PHLDB2: variants seen among roughly 807,000 people sequenced by gnomAD.
PHLDB2 encodes the protein pleckstrin homology-like domain family B member 2.
A neutral mutation model predicts 123.6 loss-of-function variants in PHLDB2; 71 were observed. The ratio of observed to expected loss-of-function variants is 0.57; its 90% CI spans 0.47 to 0.70. The LOEUF is 0.70. Among genes scored for constraint, PHLDB2 ranks in the 30% least tolerant of loss-of-function variants. PHLDB2 has a pLI of 0.00. For missense variants in PHLDB2, 1,446 were observed against 1,519.5 expected, an observed-to-expected ratio of 0.95 and a Z score of 0.80; for synonymous variants, 547 against 541.6, an observed-to-expected ratio of 1.01 and a Z score of -0.14.
Position 111,973,744 on chromosome 3 carries a change from C to G in PHLDB2, c.3548C>G (p.Thr1183Ser), listed in dbSNP as rs1483975723. 1 of 1,596,438 alleles carries G rather than the reference C, an allele frequency of 6.3e-7. No individual in the cohort carries two copies. The highest frequency in any genetic ancestry group is 1.7e-5 in the Admixed American group (1 of 59,528). Residue 1183 changes from threonine (T) to serine (S), a missense_variant, in exon 17 of 18, where the codon ACT (threonine) becomes AGT (serine). Around this residue, in one of 3 missense-constraint regions of PHLDB2, gnomAD observed 594 missense variants for 646.0 expected, o/e 0.92. Coordinates refer to ENST00000431670, the MANE Select transcript of PHLDB2 (RefSeq NM_001134438.2). ...TCTGTCTTTGCAGACAAGCATGAAA[C>G]TAAATTGAAAGGAGTAATATACTTT... ...TFSYYADKHETKLKGVIYFQA... is the reference protein window; with the variant it reads ...TFSYYADKHESKLKGVIYFQA...
At chr3:111,797,492 CT>C (rs2061209916) in intron 1 of PHLDB2, among the ~76,000 whole-genome samples, 1 of 152,196 alleles carries the variant, frequency 6.6e-6, no homozygotes. Flanking sequence ...TGTTGACTGC[CT>C]TACTTGAAAG....
chr3:111,758,666 G>T (rs1349599003), intron 1 of PHLDB2, among the ~76,000 whole-genome samples: 1 of 152,186 alleles, frequency 6.6e-6, no homozygotes, highest in Non-Finnish European at 1.5e-5. Context: ...TACCTCAGAT[G>T]GAAATGCAGA....
chr3:111,742,260 A>G (rs2059615851), intron 1 of PHLDB2, among the ~76,000 whole-genome samples: 1 of 152,178 alleles, frequency 6.6e-6, no homozygotes, highest in Non-Finnish European at 1.5e-5. Context: ...CCCCCAGGCC[A>G]AAGTCATAAT....
At chr3:111,911,679 G>A (rs906086359) in intron 2 of PHLDB2, 21 of 1,536,334 alleles carry the variant, frequency 1.4e-5, no homozygotes, top group East Asian at 2.4e-5. Context: ...AGGCCATGAG[G>A]ACGGAGCTGC....
In PHLDB2 at chr3:111,850,610, T is replaced by A. The variant is rs530910321; in HGVS notation, c.67+4675T>A. ...GCAAGATCCCATCTCTACAAAAAAA[T>A]TTTAAAATCTGGGTGTGGTGGCATG... On this transcript the variant is annotated intron_variant, in intron 2 of 17. Transcript: ENST00000393923. Among the ~76,000 whole-genome samples the A allele has an allele frequency of 2.0e-5, 3 of 151,990 alleles. No homozygotes were observed. In the South Asian group the frequency reaches 6.2e-4, roughly 32 times the overall value.
rs199601397 is a variant in PHLDB2, at chr3:111,913,447, C to T, written c.1464C>T (p.Leu488=). 1.9e-5 allele frequency: 30 copies of T among 1,614,034 alleles called. No individual in the cohort carries two copies. Among genetic ancestry groups the T allele is most frequent in the Non-Finnish European group, 2.5e-5 (29 of 1,180,028 alleles). ...KINKELEKLQ[L]SDEESVFEEA... is the part of the protein sequence containing the mutation. The stretch of plus-strand genomic sequence containing the variant: ...ACAAGGAGCTTGAGAAGCTGCAGCT[C>T]TCTGATGAGGAGTCTGTGTTTGAGG... The change falls in exon 3 of 18, where the codon CTC becomes CTT. Residue 488 remains leucine, a synonymous_variant. Transcript: ENST00000431670.
In PHLDB2 at chr3:111,885,156, T is replaced by C; in HGVS notation, c.1079T>C (p.Val360Ala). ...ASDDFDQASY[V>A]GTNPSHSLLA... ...GATGACTTTGATCAGGCTTCATATG[T>C]GGGGACAAACCCGAGTCATTCACTT... The change falls in exon 2 of 18, where the codon GTG becomes GCG. Residue 360 changes from valine (V) to alanine (A), a missense_variant. Transcript: ENST00000431670. The C allele has an allele frequency of 6.2e-7, 1 of 1,614,116 alleles. No homozygotes were observed. The highest frequency in any genetic ancestry group is 8.5e-7 in the Non-Finnish European group (1 of 1,180,020).
intron 2 of PHLDB2, among the ~76,000 whole-genome samples, chr3:111,903,194 C>G (rs920518669): frequency 6.6e-6 from 1 of 152,170 alleles, no homozygotes; most frequent in Non-Finnish European, 1.5e-5. Context: ...AAGGGGGGGA[C>G]ACCCGTTTCT....
chr3:111,785,598 T>G (rs2060648686), intron 1 of PHLDB2, among the ~76,000 whole-genome samples: 1 of 152,170 alleles, frequency 6.6e-6, no homozygotes, highest in Admixed American at 6.5e-5. Flanking sequence ...GACAGGATTC[T>G]TCCCCTCCCA....
Position 111,819,703 on chromosome 3 carries a change from A to C in PHLDB2, c.-48-26118A>C, listed in dbSNP as rs184447255. On this transcript the variant is annotated intron_variant, in intron 1 of 17. Coordinates refer to the PHLDB2 transcript ENST00000393923. ...ATGCTTCCTCTCAGAAAACAAACCC[A>C]CTATTATCTCAACCCCAGTGTCGTT... Among the ~76,000 whole-genome samples, 254 of 152,262 alleles carry C rather than the reference A, an allele frequency of 1.7e-3. 2 individuals carry two copies. Among genetic ancestry groups the C allele is most frequent in the Non-Finnish European group, 1.7e-3 (114 of 67,998 alleles).
chr3:111,809,048 G>A (rs763485178), intron 1 of PHLDB2, among the ~76,000 whole-genome samples: 1 of 152,128 alleles, frequency 6.6e-6, no homozygotes, highest in Non-Finnish European at 1.5e-5. Context: ...TTTCCAGAAG[G>A]AACTGACTGC....
At chr3:111,857,506 A>T (rs548276109), upstream of PHLDB2, among the ~76,000 whole-genome samples, 1 of 152,166 alleles carries the variant, frequency 6.6e-6, no homozygotes, top group South Asian at 2.1e-4. Flanking sequence ...TGGAAATAAA[A>T]TGATTGTATG....
intron 9 of PHLDB2, among the ~76,000 whole-genome samples, chr3:111,946,359 A>C (rs2070309397): frequency 6.6e-6 from 1 of 152,206 alleles, no homozygotes; most frequent in East Asian, 1.9e-4. Context: ...TTTTCTAAAA[A>C]GCTAAAAGAA....
At chr3:111,733,776 T>A (rs1941587029) in intron 1 of PHLDB2, among the ~76,000 whole-genome samples, 1 of 152,224 alleles carries the variant, frequency 6.6e-6, no homozygotes, top group Admixed American at 6.5e-5. Context: ...CACTCTTCCT[T>A]AAGTCTGAAT....
chr3:111,768,496 T>C (rs75646302), intron 1 of PHLDB2, among the ~76,000 whole-genome samples: 6,701 of 152,256 alleles, frequency 0.044, 216 homozygotes, highest in Non-Finnish European at 0.066. Context: ...GGAGCTCTTT[T>C]CTATTTGCAG....
At chr3:111,881,380 AT>A (rs2065917199) in intron 1 of PHLDB2, among the ~76,000 whole-genome samples, 1 of 152,168 alleles carries the variant, frequency 6.6e-6, no homozygotes, top group Non-Finnish European at 1.5e-5. Context: ...GGTTTATAGT[AT>A]TACATCAAAT....
intron 1 of PHLDB2, among the ~76,000 whole-genome samples, chr3:111,792,186 G>A (rs2060955828): frequency 6.6e-6 from 1 of 152,162 alleles, no homozygotes; most frequent in Admixed American, 6.5e-5. Flanking sequence ...TTTCTTGTAA[G>A]ACCAGTCTAG....
intron 1 of PHLDB2, among the ~76,000 whole-genome samples, chr3:111,816,090 A>T (rs968814441): frequency 2.0e-5 from 3 of 152,204 alleles, no homozygotes; most frequent in Non-Finnish European, 4.4e-5. Flanking sequence ...TTCCCCCTAG[A>T]TTTCAGAAGA....
chr3:111,848,995 C>T (rs1301654660), intron 2 of PHLDB2, among the ~76,000 whole-genome samples: 1 of 152,126 alleles, frequency 6.6e-6, no homozygotes, highest in African/African-American at 2.4e-5. Context: ...ACAAAATTAC[C>T]TAACAATGCA....
Sources: allele counts gnomAD v4.1 joint callset (sites outside exome capture counted in the v4.1 genomes callset), GRCh38; gene constraint gnomAD v4.1.1; regional missense constraint gnomAD v4.1.1; transcripts MANE v1.5; gene names NCBI Gene and HGNC (gene_info 2026-07-23, HGNC 2026-07-21).